The following CHST9 variants were observed in gnomAD, a reference collection of about 807,000 sequenced individuals.
The protein encoded by CHST9 is GalNAc-4-sulfotransferase 2.
Under a neutral mutation model 44.4 loss-of-function variants are expected in CHST9, and 41 were observed. The ratio of observed to expected loss-of-function variants is 0.92; its 90% CI spans 0.72 to 1.20. CHST9 has a LOEUF of 1.20. Among genes scored for constraint, CHST9 ranks in the 50% most tolerant of loss-of-function variants. The pLI, the probability that CHST9 is intolerant of heterozygous loss-of-function variation, is 0.00. For missense variants in CHST9, 504 were observed against 516.5 expected (o/e 0.98, Z 0.23); for synonymous variants, 171 against 178.4 (o/e 0.96, Z 0.33).
At chr18:27,000,684 C>G (rs2056942006) in intron 4 of CHST9, among the ~76,000 whole-genome samples, 1 of 151,294 alleles carries the variant, frequency 6.6e-6, no homozygotes, top group Admixed American at 6.6e-5. Context: ...TTCTATCTAT[C>G]CAACCATCCT....
At position 27,142,731 on chromosome 18, in the gene CHST9, G is replaced by A. The variant is rs1177471922; in HGVS notation, c.79C>T (p.Leu27Phe). ...VLIFGVAGLLLFMYLQVWIEE... is the reference protein window; with the variant it reads ...VLIFGVAGLLFFMYLQVWIEE... ...ATCCAGACTTGCAAATACATGAAGA[G>A]GAGTAGCCCAGCTACTCCAAATATC... Residue 27 changes from leucine to phenylalanine, a missense_variant, in exon 2 of 6, where the codon CTC becomes TTC. Coordinates refer to ENST00000618847, the MANE Select transcript of CHST9 (RefSeq NM_031422.6). 1 of 1,611,590 alleles carries A rather than the reference G, an allele frequency of 6.2e-7. No individual in the cohort carries two copies. Among genetic ancestry groups the A allele is most frequent in the African/African-American group, 1.3e-5 (1 of 74,870 alleles).
chr18:27,102,361 G>C (rs138165819), intron 2 of CHST9, among the ~76,000 whole-genome samples: 41 of 152,208 alleles, frequency 2.7e-4, no homozygotes, highest in Non-Finnish European at 5.1e-4. Flanking sequence ...ATTTATGAAG[G>C]TGTTGTGATG....
intron 1 of CHST9, among the ~76,000 whole-genome samples, chr18:27,174,977 C>T (rs2058857550): frequency 6.6e-6 from 1 of 151,986 alleles, no homozygotes. Context: ...TAAATAAAAA[C>T]AGTGCTAACC....
At chr18:27,118,601 G>A (rs1260791693) in intron 2 of CHST9, among the ~76,000 whole-genome samples, 1 of 152,238 alleles carries the variant, frequency 6.6e-6, no homozygotes, top group East Asian at 1.9e-4. Flanking sequence ...GCTTTAGAAA[G>A]AGATTTTTAA....
chr18:27,184,136 G>T (rs1156386024), intron 1 of CHST9, among the ~76,000 whole-genome samples: 1 of 152,080 alleles, frequency 6.6e-6, no homozygotes, highest in African/African-American at 2.4e-5. Flanking sequence ...AGCATCCACG[G>T]CGTTTTGATT....
At chr18:26,979,864 G>T (rs2056670680) in intron 4 of CHST9, among the ~76,000 whole-genome samples, 1 of 151,994 alleles carries the variant, frequency 6.6e-6, no homozygotes, top group Non-Finnish European at 1.5e-5. Context: ...CTCAATTGCT[G>T]GTTTCCATAT....
intron 2 of CHST9, among the ~76,000 whole-genome samples, chr18:27,074,728 T>C (rs2057881358): frequency 6.6e-6 from 1 of 151,438 alleles, no homozygotes; most frequent in Non-Finnish European, 1.5e-5. Flanking sequence ...TTATACTTTA[T>C]TTTTTAATTA....
Position 27,126,445 on chromosome 18 carries a change from G to T in CHST9, c.121+16244C>A, listed in dbSNP as rs183544442. 6.8e-4 allele frequency among the ~76,000 whole-genome samples: 103 copies of T among 152,194 alleles called. 1 individual carries two copies. The highest frequency in any genetic ancestry group is 3.4e-3 in the Middle Eastern group (1 of 294). Reference sequence around the variant, plus strand: ...AACACTTTAAATCTACCCTCGTGAGGGCTTCAACTGGGAAGAATAGAGAGC... The same window carrying T: ...AACACTTTAAATCTACCCTCGTGAGTGCTTCAACTGGGAAGAATAGAGAGC... On this transcript the variant is annotated intron_variant, in intron 2 of 5. Coordinates refer to ENST00000618847, the MANE Select transcript of CHST9 (RefSeq NM_031422.6).
intron 4 of CHST9, among the ~76,000 whole-genome samples, chr18:27,013,950 A>G (rs1448668310): frequency 6.6e-6 from 1 of 152,196 alleles, no homozygotes; most frequent in Non-Finnish European, 1.5e-5. Context: ...CCTTTGGAAA[A>G]GTTGGTAAAT....
intron 1 of CHST9, among the ~76,000 whole-genome samples, chr18:27,176,005 T>C (rs560280124): frequency 6.6e-6 from 1 of 152,078 alleles, no homozygotes; most frequent in African/African-American, 2.4e-5. Context: ...TTTCAAAGTG[T>C]TAACTAAGAG....
At chr18:27,130,748 T>C (rs533046286) in intron 2 of CHST9, among the ~76,000 whole-genome samples, 1 of 152,354 alleles carries the variant, frequency 6.6e-6, no homozygotes, top group Admixed American at 6.5e-5. Context: ...ATTCATATAA[T>C]GAAATATTAG....
chr18:26,952,087 A>T (rs2056255935), intron 4 of CHST9: 1 of 398,686 alleles, frequency 2.5e-6, no homozygotes, highest in African/African-American at 2.1e-5. Context: ...AAAAAGACAG[A>T]GCAATACTCG....
chr18:27,034,585 C>T (rs189116648), intron 3 of CHST9, among the ~76,000 whole-genome samples: 5 of 152,332 alleles, frequency 3.3e-5, no homozygotes, highest in Admixed American at 2.0e-4. Context: ...TGCTGCCACA[C>T]GTTCACCTTT....
chr18:27,113,148 C>G (rs2058288476), intron 2 of CHST9, among the ~76,000 whole-genome samples: 1 of 150,796 alleles, frequency 6.6e-6, no homozygotes, highest in African/African-American at 2.4e-5. Flanking sequence ...GAGATCACGC[C>G]ACTGCACTCC....
intron 3 of CHST9, among the ~76,000 whole-genome samples, chr18:27,047,733 G>A (rs1474274606): frequency 2.0e-5 from 3 of 152,032 alleles, no homozygotes; most frequent in African/African-American, 7.2e-5. Flanking sequence ...GTAGAAACTT[G>A]GGAAGGATGG....
intron 5 of CHST9, among the ~76,000 whole-genome samples, chr18:26,927,328 G>A (rs1422436917): frequency 2.6e-5 from 4 of 152,066 alleles, no homozygotes; most frequent in South Asian, 2.1e-4. Flanking sequence ...GTCGGGGGGC[G>A]GGGGTACGAG....
At chr18:27,077,859 C>T (rs765624) in intron 2 of CHST9, among the ~76,000 whole-genome samples, 54,448 of 151,962 alleles carry the variant, frequency 0.36, 10,318 homozygotes, top group East Asian at 0.51. Flanking sequence ...AATTGGCTCG[C>T]AGCCTGTGGG....
At chr18:26,954,814 T>C (rs2056299881) in intron 4 of CHST9, among the ~76,000 whole-genome samples, 1 of 152,138 alleles carries the variant, frequency 6.6e-6, no homozygotes, top group South Asian at 2.1e-4. Flanking sequence ...TTTTTGCTTG[T>C]TTCCTATTCT....
At position 27,106,448 on chromosome 18, in the gene CHST9, G is replaced by A; in HGVS notation, c.121+36241C>T. 1.3e-5 allele frequency among the ~76,000 whole-genome samples: 2 copies of A among 152,118 alleles called. 1 individual carries two copies. The highest frequency in any genetic ancestry group is 2.9e-5 in the Non-Finnish European group (2 of 68,010). ...ATTCGCCTACTAGCCCAACCAATTT[G>A]TTCCTATTTTGTTGTAATTGTTGTC... On this transcript the variant is annotated intron_variant, in intron 2 of 5. Coordinates refer to ENST00000618847, the MANE Select transcript of CHST9 (RefSeq NM_031422.6).
Sources: gnomAD v4.1 joint callset for allele counts (sites outside exome capture counted in the v4.1 genomes callset) on GRCh38, gnomAD v4.1.1 for gene constraint, MANE v1.5 for transcripts, NCBI Gene and HGNC (gene_info 2026-07-23, HGNC 2026-07-21) for gene names.